EPHA6: variants seen among roughly 807,000 people sequenced by gnomAD.
The protein encoded by EPHA6 is ephrin type-A receptor 6.
EPHA6 carries 50 observed loss-of-function variants against 112.0 expected under a neutral mutation model. The observed-to-expected ratio is 0.45, with a 90% CI of 0.36 to 0.56. The LOEUF (loss-of-function observed/expected upper bound fraction) is 0.56, where lower values mean the gene tolerates loss of function less well. Among genes scored for constraint, EPHA6 ranks in the 20% least tolerant of loss-of-function variants. The pLI, the probability that EPHA6 is intolerant of heterozygous loss-of-function variation, is 0.00. For synonymous variants in EPHA6, 529 were observed against 490.7 expected, an observed-to-expected ratio of 1.08 and a Z score of -1.03; for missense variants, 1,280 against 1,417.4, an observed-to-expected ratio of 0.90 and a Z score of 1.56.
intron 2 of EPHA6, among the ~76,000 whole-genome samples, chr3:96,961,039 A>G (rs961458232): frequency 1.3e-5 from 2 of 152,200 alleles, no homozygotes; most frequent in Admixed American, 6.5e-5. Context: ...GAAAACTTGT[A>G]TAGCTGGATT....
chr3:97,083,778 A>G (rs1174061471), intron 3 of EPHA6, among the ~76,000 whole-genome samples: 1 of 151,922 alleles, frequency 6.6e-6, no homozygotes, highest in Admixed American at 6.6e-5. Flanking sequence ...AGGCATATAT[A>G]CACAAAGATA....
At chr3:96,891,816 T>C (rs1234033653) in intron 2 of EPHA6, among the ~76,000 whole-genome samples, 1 of 152,242 alleles carries the variant, frequency 6.6e-6, no homozygotes, top group African/African-American at 2.4e-5. Context: ...ATCTGTACAT[T>C]TAGCCATATA....
At chr3:97,283,706 T>C (rs963370600) in intron 5 of EPHA6, among the ~76,000 whole-genome samples, 1 of 152,154 alleles carries the variant, frequency 6.6e-6, no homozygotes, top group African/African-American at 2.4e-5. Context: ...CAAACCACCA[T>C]GACACATGTA....
chr3:97,058,356 G>A (rs1487533604), intron 3 of EPHA6, among the ~76,000 whole-genome samples: 3 of 151,886 alleles, frequency 2.0e-5, no homozygotes, highest in South Asian at 2.1e-4. Context: ...GAAGTACAAC[G>A]GCGTGATCTC....
chr3:97,192,593 G>C (rs947236754), intron 3 of EPHA6, among the ~76,000 whole-genome samples: 3 of 152,082 alleles, frequency 2.0e-5, no homozygotes, highest in African/African-American at 7.2e-5. Flanking sequence ...TCACTTTGTT[G>C]ATTGTTTCCT....
chr3:97,177,721 T>C (rs1272281244), intron 3 of EPHA6, among the ~76,000 whole-genome samples: 1 of 152,014 alleles, frequency 6.6e-6, no homozygotes, highest in African/African-American at 2.4e-5. Context: ...TCTCTTCTTA[T>C]AGTTTTTGAC....
chr3:97,244,993 G>A (rs1046064475), intron 5 of EPHA6, among the ~76,000 whole-genome samples: 1 of 151,984 alleles, frequency 6.6e-6, no homozygotes, highest in African/African-American at 2.4e-5. Context: ...AAAAGCTTCA[G>A]AGATTTTTAA....
chr3:97,697,328 A>G lies in EPHA6; in HGVS notation c.2785-22933A>G, dbSNP rs898211560. 2.0e-5 allele frequency among the ~76,000 whole-genome samples: 3 copies of G among 152,186 alleles called. No homozygotes were observed. The South Asian group carries it at 6.2e-4, about 31-fold the overall frequency. ...GGTTTATAATTTAGAATACTTGCTTATTATTAGTTTTTCTCTCCTTGGCCT... is the reference window on the plus strand; with the variant it reads ...GGTTTATAATTTAGAATACTTGCTTGTTATTAGTTTTTCTCTCCTTGGCCT... On this transcript the variant is annotated intron_variant, in intron 14 of 17. Coordinates refer to ENST00000389672, the MANE Select transcript of EPHA6 (RefSeq NM_001080448.3).
intron 2 of EPHA6, among the ~76,000 whole-genome samples, chr3:96,910,854 A>G (rs1260337878): frequency 6.6e-6 from 1 of 152,050 alleles, no homozygotes; most frequent in African/African-American, 2.4e-5. Context: ...CATGAAGTCT[A>G]TCTTGTTTAC....
intron 1 of EPHA6, among the ~76,000 whole-genome samples, chr3:96,849,073 C>T (rs1261394978): frequency 1.3e-5 from 2 of 152,110 alleles, no homozygotes; most frequent in Admixed American, 1.3e-4. Context: ...GCCTTCAAAG[C>T]TGAAGTAAAT....
chr3:97,607,326 A>T (rs1461359833), intron 12 of EPHA6, among the ~76,000 whole-genome samples: 3 of 151,158 alleles, frequency 2.0e-5, no homozygotes, highest in African/African-American at 7.3e-5. Flanking sequence ...GTTTATCCAC[A>T]TCACCTTTAT....
At chr3:97,651,806 G>A (rs1260930055) in intron 14 of EPHA6, among the ~76,000 whole-genome samples, 1 of 151,942 alleles carries the variant, frequency 6.6e-6, no homozygotes, top group South Asian at 2.1e-4. Flanking sequence ...CAGAAAAAAA[G>A]ACAAAGTAAA....
At chr3:97,504,889 TAA>T (rs759966249) in intron 10 of EPHA6, among the ~76,000 whole-genome samples, 61 of 152,352 alleles carry the variant, frequency 4.0e-4, no homozygotes, top group Non-Finnish European at 6.9e-4. Flanking sequence ...ACATGTAGTA[TAA>T]GTTATCTGAA....
chr3:97,465,279 A>G (rs1302302330), intron 7 of EPHA6, among the ~76,000 whole-genome samples: 2 of 152,076 alleles, frequency 1.3e-5, no homozygotes, highest in African/African-American at 4.8e-5. Context: ...GAAAAAATCA[A>G]TATGCATAAG....
At chr3:97,025,266 A>C (rs903156055) in intron 3 of EPHA6, among the ~76,000 whole-genome samples, 4 of 152,212 alleles carry the variant, frequency 2.6e-5, no homozygotes, top group African/African-American at 9.6e-5. Context: ...AAAGTAATTT[A>C]AAACTATTAG....
chr3:97,675,698 T>C (rs1359001771), intron 14 of EPHA6, among the ~76,000 whole-genome samples: 1 of 152,138 alleles, frequency 6.6e-6, no homozygotes, highest in African/African-American at 2.4e-5. Context: ...AAGAATAACA[T>C]TAATTTTTCC....
At chr3:97,199,648 A>G (rs2077529470) in intron 3 of EPHA6, among the ~76,000 whole-genome samples, 1 of 152,180 alleles carries the variant, frequency 6.6e-6, no homozygotes, top group Admixed American at 6.6e-5. Context: ...AAATTATATC[A>G]GTTCTTTGAG....
intron 15 of EPHA6, among the ~76,000 whole-genome samples, chr3:97,722,817 A>G (rs1345737253): frequency 6.6e-6 from 1 of 152,134 alleles, no homozygotes; most frequent in Non-Finnish European, 1.5e-5. Context: ...ACATTCATAA[A>G]TAATCATTCT....
intron 2 of EPHA6, among the ~76,000 whole-genome samples, chr3:96,926,647 C>G (rs1297911540): frequency 2.0e-5 from 3 of 152,232 alleles, no homozygotes; most frequent in Non-Finnish European, 4.4e-5. Context: ...AAAGGGGCTA[C>G]AGGCCCCATG....
Sources: gnomAD v4.1 joint callset for allele counts (sites outside exome capture counted in the v4.1 genomes callset) on GRCh38, gnomAD v4.1.1 for gene constraint, MANE v1.5 for transcripts, NCBI Gene and HGNC (gene_info 2026-07-23, HGNC 2026-07-21) for gene names.